Variants in PTPRN2 observed in about 807,000 individuals in gnomAD.
PTPRN2 encodes the protein protein tyrosine phosphatase receptor type N2.
A neutral mutation model predicts 118.8 loss-of-function variants in PTPRN2; 74 were observed. That is an observed-to-expected ratio of 0.62 (90% CI 0.52 to 0.76). PTPRN2 has a LOEUF of 0.76. PTPRN2 is among the 30% of genes least tolerant of loss of function. The pLI, the probability that PTPRN2 is intolerant of heterozygous loss-of-function variation, is 0.00. For missense variants in PTPRN2, 1,481 were observed against 1,394.4 expected (o/e 1.06, Z -0.99); for synonymous variants, 641 against 608.0 (o/e 1.05, Z -0.80).
chr7:158,543,445 G>C (rs1375424329), intron 1 of PTPRN2, among the ~76,000 whole-genome samples: 3 of 152,182 alleles, frequency 2.0e-5, no homozygotes, highest in African/African-American at 7.2e-5. Flanking sequence ...CACACACGTA[G>C]CTCAATTCAG....
At chr7:158,414,878 A>C (rs1241377068) in intron 2 of PTPRN2, among the ~76,000 whole-genome samples, 3 of 152,218 alleles carry the variant, frequency 2.0e-5, no homozygotes, top group Non-Finnish European at 4.4e-5. Context: ...AGTCATCCAC[A>C]TGAGGAGGGG....
intron 12 of PTPRN2, among the ~76,000 whole-genome samples, chr7:157,751,972 T>C (rs187239864): frequency 2.3e-4 from 35 of 152,196 alleles, no homozygotes; most frequent in Admixed American, 1.6e-3. Context: ...GCAGTTGCCC[T>C]GGACAGCCCG....
chr7:157,635,482 C>T (rs1346996116), intron 14 of PTPRN2, among the ~76,000 whole-genome samples: 1 of 152,280 alleles, frequency 6.6e-6, no homozygotes, highest in African/African-American at 2.4e-5. Flanking sequence ...ACCAGTGTTT[C>T]ATGGAATGAT....
intron 10 of PTPRN2, among the ~76,000 whole-genome samples, chr7:158,108,703 G>C (rs1815901210): frequency 6.6e-6 from 1 of 152,210 alleles, no homozygotes; most frequent in Admixed American, 6.5e-5. Flanking sequence ...CTGATCCCAG[G>C]CTGGCTGGGG....
intron 12 of PTPRN2, among the ~76,000 whole-genome samples, chr7:157,887,073 G>T (rs761429205): frequency 6.7e-6 from 1 of 148,574 alleles, no homozygotes; most frequent in Non-Finnish European, 1.5e-5. Flanking sequence ...GCCCACCCAT[G>T]ACAGGCCTGT....
At chr7:158,484,968 G>A (rs900411323) in intron 2 of PTPRN2, among the ~76,000 whole-genome samples, 4 of 152,166 alleles carry the variant, frequency 2.6e-5, no homozygotes, top group South Asian at 2.1e-4. Context: ...CGTGGCCGGC[G>A]GAGTGAGCCA....
chr7:158,558,519 C>T lies in PTPRN2; in HGVS notation c.112+29039G>A, dbSNP rs552623845. Among the ~76,000 whole-genome samples the T allele has an allele frequency of 1.6e-4, 24 of 152,216 alleles. 1 individual carries two copies. Among genetic ancestry groups the T allele is most frequent in the African/African-American group, 5.8e-4 (24 of 41,538 alleles). ...CCAGTTGGTCCCAGGGACATGAAGG[C>T]CTGGCACCTGCAGAGCCCAGCGGAG... On this transcript the variant is annotated intron_variant, in intron 1 of 22. Transcript: ENST00000389418.
intron 2 of PTPRN2, among the ~76,000 whole-genome samples, chr7:158,338,626 C>A (rs1197496439): frequency 2.5e-5 from 2 of 80,160 alleles, no homozygotes; most frequent in South Asian, 5.0e-4. Flanking sequence ...ACACTCACAC[C>A]CATACTCTCA....
chr7:157,818,962 C>T (rs79238973), intron 12 of PTPRN2, among the ~76,000 whole-genome samples: 5,331 of 152,058 alleles, frequency 0.035, 227 homozygotes, highest in East Asian at 0.21. Flanking sequence ...CGAGCCACCT[C>T]TCAGGACAGG....
Position 157,591,149 on chromosome 7 carries a change from T to C in PTPRN2, c.2496+4089A>G, listed in dbSNP as rs139730051. 2.6e-3 allele frequency among the ~76,000 whole-genome samples: 403 copies of C among 152,152 alleles called. 3 individuals are homozygous for C. The highest frequency in any genetic ancestry group is 9.2e-3 in the African/African-American group (383 of 41,528). On this transcript the variant is annotated intron_variant, in intron 17 of 22. Coordinates refer to ENST00000389418, the MANE Select transcript of PTPRN2 (RefSeq NM_002847.5). The surrounding 1 kb of genome is among the most constrained non-coding windows in gnomAD (Gnocchi z 4.4). ...ATAAATCCACGGTGGGGAAAAGCTG[T>C]GTGACAGGGAGGCAGAGATGAGGGG...
intron 11 of PTPRN2, among the ~76,000 whole-genome samples, chr7:157,966,850 G>A (rs369290659): frequency 1.3e-5 from 2 of 149,818 alleles, no homozygotes; most frequent in South Asian, 2.1e-4. Context: ...TCATCACAAT[G>A]GTCACTATCA....
chr7:158,159,717 C>T lies in PTPRN2; in HGVS notation c.910+7214G>A, dbSNP rs147187810. ...CTGATGCATCTCCTAAAGTGATTTC[C>T]AAAACGCTTTCGCTGTCATCAGAGT... On this transcript the variant is annotated intron_variant, in intron 6 of 22. Coordinates refer to ENST00000389418, the MANE Select transcript of PTPRN2 (RefSeq NM_002847.5). 5.9e-3 allele frequency among the ~76,000 whole-genome samples: 895 copies of T among 152,138 alleles called. 6 individuals are homozygous for T. Among genetic ancestry groups the T allele is most frequent in the African/African-American group, 0.021 (861 of 41,514 alleles).
chr7:158,270,902 A>ACCACCCCCCCAACCTGGG (rs1798395063), intron 3 of PTPRN2, among the ~76,000 whole-genome samples: 1 of 21,420 alleles, frequency 4.7e-5, no homozygotes, highest in Admixed American at 6.8e-4. Context: ...CTCCACCTGG[A>ACCACCCCCCCAACCTGGG]CCACCCCCCC....
chr7:158,387,499 C>T (rs1256563332), intron 2 of PTPRN2, among the ~76,000 whole-genome samples: 6 of 712 alleles, frequency 8.4e-3, no homozygotes, highest in South Asian at 0.042. Context: ...GGAGTGCGAT[C>T]GGGTTACGAT....
intron 11 of PTPRN2, among the ~76,000 whole-genome samples, chr7:157,921,526 G>C (rs550938607): frequency 2.0e-5 from 3 of 152,314 alleles, no homozygotes; most frequent in Admixed American, 2.0e-4. Flanking sequence ...TTGGAGGTGG[G>C]GCCTTTAAGA....
intron 2 of PTPRN2, among the ~76,000 whole-genome samples, chr7:158,441,917 G>C (rs1324116393): frequency 2.3e-5 from 3 of 130,776 alleles, no homozygotes; most frequent in Non-Finnish European, 4.8e-5. Context: ...GGTGGTGATG[G>C]TGATAGTGAT....
At chr7:157,760,495 G>A (rs1033124703) in intron 12 of PTPRN2, among the ~76,000 whole-genome samples, 8 of 151,964 alleles carry the variant, frequency 5.3e-5, no homozygotes, top group East Asian at 1.9e-4. Context: ...ACAGAAGTGC[G>A]AAGGAGAATG....
At chr7:157,930,045 G>T (rs1437513557) in intron 11 of PTPRN2, among the ~76,000 whole-genome samples, 1 of 152,182 alleles carries the variant, frequency 6.6e-6, no homozygotes, top group East Asian at 1.9e-4. Context: ...TAATAATCAT[G>T]CCATCGTGCA....
At position 158,171,318 on chromosome 7, in the gene PTPRN2, T is replaced by TACATACATAC. The variant is rs1318559722; in HGVS notation, c.550-4028_550-4027insGTATGTATGT. The stretch of plus-strand genomic sequence containing the variant: ...ACATATATATACACACATATATATA[T>TACATACATAC]ATATATATATATATATATATATATA... On this transcript the variant is annotated intron_variant, in intron 5 of 22. Transcript: ENST00000389418. Among the ~76,000 whole-genome samples the TACATACATAC allele has an allele frequency of 2.6e-3, 241 of 93,836 alleles. 18 individuals are homozygous for TACATACATAC. The highest frequency in any genetic ancestry group is 6.4e-3 in the African/African-American group (137 of 21,546). The allele number at this position is 93,836 out of a possible 152,430, so 61.6% of individuals were successfully genotyped here.
Sources: allele counts gnomAD v4.1 joint callset (sites outside exome capture counted in the v4.1 genomes callset), GRCh38; gene constraint gnomAD v4.1.1; non-coding constraint Gnocchi (gnomAD v3.1); transcripts MANE v1.5; gene names NCBI Gene and HGNC (gene_info 2026-07-23, HGNC 2026-07-21).